TMEM222: variants seen among roughly 807,000 people sequenced by gnomAD.
TMEM222 encodes the protein chromosome 1 open reading frame 160.
In TMEM222, 18 loss-of-function variants were observed where a neutral mutation model predicts 25.1. The ratio of observed to expected loss-of-function variants is 0.72; its 90% CI spans 0.50 to 1.06. The LOEUF is 1.06. Ranked by LOEUF, TMEM222 falls within the 50% of genes least tolerant of loss-of-function variation. TMEM222 has a pLI of 0.00. For synonymous variants in TMEM222, 131 were observed against 117.9 expected, an observed-to-expected ratio of 1.11 and a Z score of -0.72; for missense variants, 296 against 293.7, an observed-to-expected ratio of 1.01 and a Z score of -0.06.
chr1:27,322,259 T>C lies in TMEM222; in HGVS notation c.62T>C (p.Met21Thr). 1.3e-6 allele frequency: 2 copies of C among 1,539,312 alleles called. No individual in the cohort carries two copies. The highest frequency in any genetic ancestry group is 1.8e-6 in the Non-Finnish European group (2 of 1,139,850). ...LLPPPPPPPRMAEVEAPTAAE... is the reference protein window; with the variant it reads ...LLPPPPPPPRTAEVEAPTAAE... ...CCGCCGCCGCCACCCCCGCCCAGGA[T>C]GGCGGAAGTGGAGGCGCCGACGGCG... The change falls in exon 1 of 6, where the codon ATG becomes ACG. Residue 21 changes from methionine to threonine, a missense_variant. Physicochemically the swap from Met to Thr is moderately conservative, Grantham distance 81. Transcript: ENST00000374076.
chr1:27,330,851 A>G (rs747212848), intron 2 of TMEM222, 47 bp downstream of exon 2: 1 of 1,608,220 alleles, frequency 6.2e-7, no homozygotes, highest in Admixed American at 1.7e-5. Context: ...GTTTAAGTGG[A>G]AGGCTGTCCT....
rs542740087 is a variant in TMEM222 at position 27,335,999 on chromosome 1, G to A, written c.*533G>A. ...CAGACTCCTGCCGGCAGCTGCCCTG[G>A]GGGACATGTGTGCCCATCTGGCATC... is the stretch of plus-strand genomic sequence containing the variant. On this transcript the variant is annotated 3_prime_UTR_variant, in exon 6 of 6. Transcript: ENST00000374076. 6.3e-6 allele frequency: 1 copy of A among 158,124 alleles called. No individual in the cohort carries two copies. The highest frequency in any genetic ancestry group is 1.8e-4 in the East Asian group (1 of 5,428). 9.8% of individuals were successfully genotyped at this position (158,124 alleles called of 1,614,324 possible).
At chr1:27,324,607 C>T (rs900057429) in intron 1 of TMEM222, among the ~76,000 whole-genome samples, 1 of 152,162 alleles carries the variant, frequency 6.6e-6, no homozygotes, top group Non-Finnish European at 1.5e-5. Context: ...GGTTCATGTT[C>T]CCTTCTGTGT....
rs370640094 is a variant in TMEM222, at chr1:27,333,952, C to G, written c.312-6C>G. On this transcript the variant is annotated splice_polypyrimidine_tract_variant and splice_region_variant and intron_variant, in intron 3 of 5. Transcript: ENST00000374076. Reference sequence around the variant, plus strand: ...GCAAGTGTCCAGAGCCCTTCTCTCCCCCCAGGTACTGGAAGTTGGACCCTG... The same window carrying G: ...GCAAGTGTCCAGAGCCCTTCTCTCCGCCCAGGTACTGGAAGTTGGACCCTG... The G allele has an allele frequency of 2.4e-5, 39 of 1,613,182 alleles. No individual in the cohort carries two copies. The highest frequency in any genetic ancestry group is 3.1e-5 in the Non-Finnish European group (36 of 1,179,446).
Position 27,335,657 on chromosome 1 carries a change from C to G in TMEM222, c.*191C>G, listed in dbSNP as rs969528148. 4.9e-6 allele frequency: 3 copies of G among 611,606 alleles called. 1 individual carries two copies. Among genetic ancestry groups the G allele is most frequent in the Non-Finnish European group, 8.8e-6 (3 of 342,662 alleles). The allele number at this position is 611,606 out of a possible 1,614,324, so 37.9% of individuals were successfully genotyped here. A position where few individuals can be genotyped will look rare whatever the true frequency, so the allele number is the denominator to read the frequency against. Reference sequence around the variant, plus strand: ...GGGGGTTTGTTGTCTCCCTGCCTCTCAGAAGCACCCTGTCCCCTCCTCCCC... The same window carrying G: ...GGGGGTTTGTTGTCTCCCTGCCTCTGAGAAGCACCCTGTCCCCTCCTCCCC... On this transcript the variant is annotated 3_prime_UTR_variant, in exon 6 of 6. Coordinates refer to ENST00000374076, the MANE Select transcript of TMEM222 (RefSeq NM_032125.3).
intron 1 of TMEM222, 38 bp downstream of exon 1, chr1:27,322,429 GC>G (rs2014226095): frequency 7.5e-7 from 1 of 1,336,156 alleles, no homozygotes; most frequent in African/African-American, 1.5e-5. Context: ...GACGAGGAGG[GC>G]CCAGGGAGAG....
At chr1:27,325,579 C>A in intron 1 of TMEM222, 2 of 1,069,522 alleles carry the variant, frequency 1.9e-6, no homozygotes, top group Non-Finnish European at 2.9e-6. Flanking sequence ...AGAGGCACCA[C>A]CATGTACCCG....
chr1:27,333,316 T>G (rs1178483812), intron 3 of TMEM222: 1 of 471,048 alleles, frequency 2.1e-6, no homozygotes, highest in Non-Finnish European at 4.4e-6. Flanking sequence ...TGCCCACCTC[T>G]TCTTTCTATG....
chr1:27,322,372 A>T lies in TMEM222; in HGVS notation c.175A>T (p.Thr59Ser). The change falls in exon 1 of 6, where the codon ACG (threonine) becomes TCG (serine). Residue 59 changes from threonine to serine, a missense_variant. By Grantham distance (58) the Thr-to-Ser change is moderately conservative. Transcript: ENST00000374076. ...TCGCTTCCCCTACTGCGTGGTGTGG[A>T]CGCCCATCCCGGTGCTCACGTGAGT... ...RSRFPYCVVW[T>S]PIPVLTWFFP... is the part of the protein sequence containing the mutation. 1 of 1,467,194 alleles carries T rather than the reference A, an allele frequency of 6.8e-7. No individual in the cohort carries two copies. The highest frequency in any genetic ancestry group is 1.5e-5 in the African/African-American group (1 of 68,838). 90.9% of individuals were successfully genotyped at this position (1,467,194 alleles called of 1,614,324 possible). A position where few individuals can be genotyped will look rare whatever the true frequency, so the allele number is the denominator to read the frequency against.
intron 2 of TMEM222, among the ~76,000 whole-genome samples, chr1:27,331,445 T>C (rs1306987455): frequency 6.6e-6 from 1 of 152,232 alleles, no homozygotes; most frequent in Non-Finnish European, 1.5e-5. Flanking sequence ...CATTACTTTA[T>C]CATATATTTT....
At position 27,330,884 on chromosome 1, in the gene TMEM222, G is replaced by A. The variant is rs530774541; in HGVS notation, c.279+80G>A. ...CCTGTCTTGCCTGCAGGCAGGCTTC[G>A]TCTCCCCAGACCCAGGAGAACGTAG... On this transcript the variant is annotated intron_variant, in intron 2 of 5. Transcript: ENST00000374076. 1.1e-4 allele frequency: 171 copies of A among 1,598,158 alleles called. No individual in the cohort carries two copies. The African/African-American group carries it at 1.8e-3, about 17-fold the overall frequency.
chr1:27,334,939 C>A, intron 5 of TMEM222: 1 of 524,314 alleles, frequency 1.9e-6, no homozygotes, highest in Non-Finnish European at 2.7e-6. Context: ...TGGCTCCAGC[C>A]ACAACACTGC....
intron 1 of TMEM222, among the ~76,000 whole-genome samples, chr1:27,324,088 G>T (rs1186332408): frequency 6.6e-6 from 1 of 152,242 alleles, no homozygotes; most frequent in Non-Finnish European, 1.5e-5. Context: ...CACTTTGGGA[G>T]GCCCAGGCGG....
At chr1:27,335,337 C>T (rs2148020098) in intron 5 of TMEM222, 42 bp from the exon 6 acceptor site, 2 of 1,597,788 alleles carry the variant, frequency 1.3e-6, no homozygotes, top group Non-Finnish European at 1.7e-6. Flanking sequence ...TGCCTGCTCA[C>T]CAGGCCCTGC....
At chr1:27,334,097 C>T (rs773105907) in intron 4 of TMEM222, 43 bp downstream of exon 4, 3 of 1,613,854 alleles carry the variant, frequency 1.9e-6, no homozygotes, top group Admixed American at 1.7e-5. Context: ...AGGTGGGGAC[C>T]AGGGGGGAGG....
At chr1:27,331,945 CACTT>C in intron 2 of TMEM222, 121 bp from the exon 3 acceptor site, 3 of 959,564 alleles carry the variant, frequency 3.1e-6, no homozygotes, top group Non-Finnish European at 5.0e-6. Flanking sequence ...GCCCAGGCCC[CACTT>C]CTGGCCCCCC....
chr1:27,335,242 A>C, intron 5 of TMEM222, 137 bp from the exon 6 acceptor site: 1 of 811,274 alleles, frequency 1.2e-6, no homozygotes, highest in Non-Finnish European at 2.0e-6. Flanking sequence ...TTGATTGGCC[A>C]AGTTTGGGGT....
chr1:27,323,306 TG>T (rs2014255206), intron 1 of TMEM222, among the ~76,000 whole-genome samples: 2 of 152,224 alleles, frequency 1.3e-5, no homozygotes, highest in Non-Finnish European at 2.9e-5. Context: ...TCTCACCTGA[TG>T]GGATAGCTTG....
At chr1:27,333,326 G>A (rs987199317) in intron 3 of TMEM222, 1 of 471,028 alleles carries the variant, frequency 2.1e-6, no homozygotes, top group East Asian at 6.9e-5. Context: ...TTCTTTCTAT[G>A]CCTGCCTAAC....
Sources: allele counts gnomAD v4.1 joint callset (sites outside exome capture counted in the v4.1 genomes callset), GRCh38; gene constraint gnomAD v4.1.1; transcripts MANE v1.5; gene names NCBI Gene and HGNC (gene_info 2026-07-23, HGNC 2026-07-21).